Variants in SFTPA2 observed in about 807,000 individuals in gnomAD.
SFTPA2 encodes surfactant protein A2.
A neutral mutation model predicts 20.3 loss-of-function variants in SFTPA2; 21 were observed. The ratio of observed to expected loss-of-function variants is 1.03; its 90% CI spans 0.73 to 1.49. The LOEUF is 1.49. Among genes scored for constraint, SFTPA2 ranks in the 40% most tolerant of loss-of-function variants. The pLI is 0.00. For missense variants in SFTPA2, 302 were observed against 314.8 expected (o/e 0.96, Z 0.31); for synonymous variants, 116 against 118.7 (o/e 0.98, Z 0.15).
intron 5 of SFTPA2, among the ~76,000 whole-genome samples, 185 bp downstream of exon 5, chr10:79,557,867 G>A (rs936427845): frequency 1.3e-5 from 2 of 152,182 alleles, no homozygotes; most frequent in African/African-American, 2.4e-5. Context: ...TATGAAATGG[G>A]GAGTGAATTG....
Position 79,557,228 on chromosome 10 carries a change from A to C in SFTPA2, c.728T>G (p.Leu243Arg), listed in dbSNP as rs1414678863. Reference sequence around the variant, plus strand: ...TGCCTCTCAGAACTCACAGATGGTCAGTCGGGAGTACAGGCAGTTCCTGTC... The same window carrying C: ...TGCCTCTCAGAACTCACAGATGGTCCGTCGGGAGTACAGGCAGTTCCTGTC... The part of the protein sequence containing the change: ...WNDRNCLYSR[L>R]TICEF Residue 243 changes from leucine to arginine, a missense_variant, in exon 6 of 6, where the codon CTG becomes CGG. Transcript: ENST00000372325. The C allele has an allele frequency of 6.2e-7, 1 of 1,614,214 alleles. No individual in the cohort carries two copies. The highest frequency in any genetic ancestry group is 1.7e-5 in the Admixed American group (1 of 60,028).
chr10:79,558,125 A>G lies in SFTPA2; in HGVS notation c.297T>C (p.Leu99=). The change falls in exon 5 of 6, where the codon CTT becomes CTC. Residue 99 remains leucine, a synonymous_variant. Transcript: ENST00000372325. ...GEAGERGPPG[L]PAHLDEELQA... ...GGAGCTCCTCATCTAGATGAGCTGG[A>G]AGCCCTGTGGAGAGTGCCCCACACA... 1 of 1,613,862 alleles carries G rather than the reference A, an allele frequency of 6.2e-7. No individual in the cohort carries two copies. The highest frequency in any genetic ancestry group is 8.5e-7 in the Non-Finnish European group (1 of 1,179,964).
Position 79,558,132 on chromosome 10 carries a change from G to C in SFTPA2, c.293-3C>G, listed in dbSNP as rs1858913259. 6.2e-7 allele frequency: 1 copy of C among 1,614,012 alleles called. No individual in the cohort carries two copies. The highest frequency in any genetic ancestry group is 8.5e-7 in the Non-Finnish European group (1 of 1,179,992). ...CTCATCTAGATGAGCTGGAAGCCCT[G>C]TGGAGAGTGCCCCACACAGAAGGAG... is the stretch of plus-strand genomic sequence containing the variant. On this transcript the variant is annotated splice_polypyrimidine_tract_variant and splice_region_variant and intron_variant, in intron 4 of 5. Coordinates refer to ENST00000372325, the MANE Select transcript of SFTPA2 (RefSeq NM_001098668.4).
At chr10:79,560,155 G>C in intron 1 of SFTPA2, 157 bp from the exon 2 acceptor site, 1 of 363,592 alleles carries the variant, frequency 2.8e-6, no homozygotes, top group Non-Finnish European at 3.9e-6. Flanking sequence ...GTCCCTGGTA[G>C]GGATGGATCT....
intron 3 of SFTPA2, 58 bp downstream of exon 3, chr10:79,559,254 G>A: frequency 6.2e-7 from 1 of 1,611,058 alleles, no homozygotes; most frequent in Non-Finnish European, 8.5e-7. Context: ...TGGACAGATG[G>A]GCCTCCTGAA....
intron 1 of SFTPA2, 27 bp from the exon 2 acceptor site, chr10:79,560,025 C>T: frequency 8.7e-7 from 1 of 1,144,444 alleles, no homozygotes; most frequent in Non-Finnish European, 1.1e-6. Context: ...ATGAATAGGG[C>T]CCACAGCCTG....
chr10:79,559,137 C>T, intron 3 of SFTPA2, 132 bp from the exon 4 acceptor site: 1 of 1,588,154 alleles, frequency 6.3e-7, no homozygotes, highest in Non-Finnish European at 8.6e-7. Context: ...ACAGACTCTC[C>T]AGGATGCGCC....
In SFTPA2 at chr10:79,559,420, C is replaced by A; in HGVS notation, c.64G>T (p.Val22Leu). Reference protein sequence around the residue: ...LMAASGAACEVKDVCVGSPGI... With the variant: ...LMAASGAACELKDVCVGSPGI... ...GGGCTTCCAACACAAACGTCCTTCACTTCGCACGCAGCACCAGAGGCTGCC... is the reference window on the plus strand; with the variant it reads ...GGGCTTCCAACACAAACGTCCTTCAATTCGCACGCAGCACCAGAGGCTGCC... The change falls in exon 3 of 6, where the codon GTG becomes TTG. Residue 22 changes from valine (V) to leucine (L), a missense_variant. This residue lies in a region of SFTPA2 where 31 missense variants were observed against 29.8 expected (regional missense o/e 1.04). Coordinates refer to ENST00000372325, the MANE Select transcript of SFTPA2 (RefSeq NM_001098668.4). The A allele has an allele frequency of 6.2e-7, 1 of 1,613,762 alleles. No homozygotes were observed. The highest frequency in any genetic ancestry group is 8.5e-7 in the Non-Finnish European group (1 of 1,179,826).
chr10:79,559,029 G>A (rs975378946), intron 3 of SFTPA2, 24 bp from the exon 4 acceptor site: 1 of 1,614,184 alleles, frequency 6.2e-7, no homozygotes, highest in Admixed American at 1.7e-5. Context: ...AGACATGGAT[G>A]TGTAGGATCT....
In SFTPA2 at chr10:79,557,171, C is replaced by G; in HGVS notation, c.*38G>C. 1 of 1,614,086 alleles carries G rather than the reference C, an allele frequency of 6.2e-7. No individual in the cohort carries two copies. Among genetic ancestry groups the G allele is most frequent in the Non-Finnish European group, 8.5e-7 (1 of 1,179,986 alleles). ...GATCCTGGGGATGGAAACTGAAGGCCAGACAGGATCCTCCCTGTCCCATGG... is the reference window on the plus strand; with the variant it reads ...GATCCTGGGGATGGAAACTGAAGGCGAGACAGGATCCTCCCTGTCCCATGG... On this transcript the variant is annotated 3_prime_UTR_variant, in exon 6 of 6. Coordinates refer to ENST00000372325, the MANE Select transcript of SFTPA2 (RefSeq NM_001098668.4).
intron 2 of SFTPA2, 54 bp from the exon 3 acceptor site, chr10:79,559,560 A>C: frequency 1.2e-6 from 2 of 1,606,078 alleles, no homozygotes; most frequent in Non-Finnish European, 1.7e-6. Flanking sequence ...CATCTCCCCC[A>C]CTGTGCTCTG....
At position 79,557,692 on chromosome 10, in the gene SFTPA2, C is replaced by A. The variant is rs565157944; in HGVS notation, c.371-107G>T. The A allele has an allele frequency of 5.3e-6, 8 of 1,514,740 alleles. No individual in the cohort carries two copies. The Admixed American group carries it at 1.4e-4, about 26-fold the overall frequency. The allele number at this position is 1,514,740 out of a possible 1,614,324, so 93.8% of individuals were successfully genotyped here. The stretch of plus-strand genomic sequence containing the variant: ...ATTCTCCCCAGTCTCTCCATCTCTG[C>A]CTCTCTCTGTGTCTTCTCTTCCTCT... On this transcript the variant is annotated intron_variant, in intron 5 of 5. Transcript: ENST00000372325.
intron 4 of SFTPA2, among the ~76,000 whole-genome samples, chr10:79,558,673 A>C (rs1299249925): frequency 6.6e-6 from 1 of 152,116 alleles, no homozygotes; most frequent in Non-Finnish European, 1.5e-5. Flanking sequence ...GTCATGAGGC[A>C]CGGAGGACTT....
rs556374482 is a variant in SFTPA2 at position 79,557,077 on chromosome 10, T to A, written c.*132A>T. Reference sequence around the variant, plus strand: ...ATCAGGGGAATGAAGTGGCTAAGGGTGCCTCCAGCTCTAATAGCCACAAGT... The same window carrying A: ...ATCAGGGGAATGAAGTGGCTAAGGGAGCCTCCAGCTCTAATAGCCACAAGT... On this transcript the variant is annotated 3_prime_UTR_variant, in exon 6 of 6. Coordinates refer to ENST00000372325, the MANE Select transcript of SFTPA2 (RefSeq NM_001098668.4). 9.5e-6 allele frequency: 14 copies of A among 1,481,122 alleles called. No homozygotes were observed. The South Asian group carries it at 1.8e-4, about 19-fold the overall frequency. The allele number at this position is 1,481,122 out of a possible 1,614,324, so 91.7% of individuals were successfully genotyped here.
chr10:79,556,671 A>G lies in SFTPA2; in HGVS notation c.*538T>C. ...CCTGGAGAGCCTGACCAGGCCTGCC[A>G]CAGAGACCTCAGAGTGCCAGAGAAT... is the stretch of plus-strand genomic sequence containing the variant. On this transcript the variant is annotated 3_prime_UTR_variant, in exon 6 of 6. Transcript: ENST00000372325. The G allele has an allele frequency of 6.0e-6, 1 of 167,506 alleles. No homozygotes were observed. The allele number at this position is 167,506 out of a possible 1,614,324, so 10.4% of individuals were successfully genotyped here. A position where few individuals can be genotyped will look rare whatever the true frequency, so the allele number is the denominator to read the frequency against.
At chr10:79,558,261 A>C (rs1858922610) in intron 4 of SFTPA2, 132 bp from the exon 5 acceptor site, 2 of 1,577,468 alleles carry the variant, frequency 1.3e-6, no homozygotes, top group East Asian at 4.5e-5. Flanking sequence ...CCCAGACCCT[A>C]GGCTCAGAGG....
chr10:79,558,166 C>T, intron 4 of SFTPA2, 37 bp from the exon 5 acceptor site: 1 of 1,613,790 alleles, frequency 6.2e-7, no homozygotes, highest in Non-Finnish European at 8.5e-7. Context: ...AGGGGCAGGC[C>T]AGTGAAGACT....
At position 79,556,950 on chromosome 10, in the gene SFTPA2, C is replaced by T. The variant is rs975749994; in HGVS notation, c.*259G>A. 7 of 608,094 alleles carry T rather than the reference C, an allele frequency of 1.2e-5. No homozygotes were observed. Among genetic ancestry groups the T allele is most frequent in the South Asian group, 6.2e-5 (3 of 48,766 alleles). The allele number at this position is 608,094 out of a possible 1,614,324, so 37.7% of individuals were successfully genotyped here. On this transcript the variant is annotated 3_prime_UTR_variant, in exon 6 of 6. Coordinates refer to ENST00000372325, the MANE Select transcript of SFTPA2 (RefSeq NM_001098668.4). ...GAATAAGGAGGCCTCCATCTCATGC[C>T]AAAGGCCAAGGCTAGGAGTGGCTGC...
At position 79,559,777 on chromosome 10, in the gene SFTPA2, G is replaced by A. The variant is rs1859083491; in HGVS notation, c.-24+192C>T. 3 of 1,488,106 alleles carry A rather than the reference G, an allele frequency of 2.0e-6. No homozygotes were observed. In the African/African-American group the frequency reaches 4.2e-5, roughly 21 times the overall value. 92.2% of individuals were successfully genotyped at this position (1,488,106 alleles called of 1,614,324 possible). ...GAGCTCTGGGGAGCCCAGGGACCTG[G>A]GCTCCAGTGCAGTCTCCTTTCTTTC... On this transcript the variant is annotated intron_variant, in intron 2 of 5. Coordinates refer to ENST00000372325, the MANE Select transcript of SFTPA2 (RefSeq NM_001098668.4).
Sources: gnomAD v4.1 joint callset for allele counts (sites outside exome capture counted in the v4.1 genomes callset) on GRCh38, gnomAD v4.1.1 for gene constraint, gnomAD v4.1.1 regional missense constraint, MANE v1.5 for transcripts, NCBI Gene and HGNC (gene_info 2026-07-23, HGNC 2026-07-21) for gene names.